The following PITPNC1 variants were observed in gnomAD, a reference collection of about 807,000 sequenced individuals.
PITPNC1 encodes the protein phosphatidylinositol transfer protein cytoplasmic 1.
In PITPNC1, 18 loss-of-function variants were observed where a neutral mutation model predicts 44.7. The ratio of observed to expected loss-of-function variants is 0.40; its 90% CI spans 0.28 to 0.60. The LOEUF (loss-of-function observed/expected upper bound fraction) is 0.60, where lower values mean the gene tolerates loss of function less well. Among genes scored for constraint, PITPNC1 ranks in the 20% least tolerant of loss-of-function variants. The pLI is 0.39. For missense variants in PITPNC1, 290 were observed against 418.4 expected (o/e 0.69, Z 2.68); for synonymous variants, 141 against 149.6 (o/e 0.94, Z 0.42).
intron 1 of PITPNC1, among the ~76,000 whole-genome samples, chr17:67,407,721 G>C (rs2038420989): frequency 6.6e-6 from 1 of 151,706 alleles, no homozygotes; most frequent in Non-Finnish European, 1.5e-5. Flanking sequence ...TTGAACCCAG[G>C]AGGCAGAGGT....
chr17:67,484,814 T>C (rs2039754971), intron 1 of PITPNC1, among the ~76,000 whole-genome samples: 1 of 151,990 alleles, frequency 6.6e-6, no homozygotes, highest in East Asian at 1.9e-4. Context: ...GGTGTGTGCC[T>C]GTAATATCAG....
At chr17:67,417,586 A>G (rs1445770115) in intron 1 of PITPNC1, among the ~76,000 whole-genome samples, 1 of 152,030 alleles carries the variant, frequency 6.6e-6, no homozygotes, top group Non-Finnish European at 1.5e-5. Context: ...CCTGAATTGA[A>G]TCTCTTGTAT....
chr17:67,523,972 C>T (rs1388506823), intron 1 of PITPNC1, among the ~76,000 whole-genome samples: 18 of 151,908 alleles, frequency 1.2e-4, no homozygotes, highest in African/African-American at 2.4e-5. Flanking sequence ...CCACCACGCC[C>T]GGCTAATTTT....
chr17:67,689,203 A>C (rs1567782766), intron 8 of PITPNC1, among the ~76,000 whole-genome samples: 1 of 150,294 alleles, frequency 6.7e-6, no homozygotes, highest in Admixed American at 6.6e-5. Flanking sequence ...ACTCCATCTC[A>C]AATAAATAAA....
chr17:67,670,239 C>G (rs2042491070), intron 7 of PITPNC1, among the ~76,000 whole-genome samples: 2 of 152,200 alleles, frequency 1.3e-5, no homozygotes. Flanking sequence ...GGGAAACACA[C>G]TTCTCAGTTT....
chr17:67,491,727 G>A (rs965816252), intron 1 of PITPNC1, among the ~76,000 whole-genome samples: 4 of 152,158 alleles, frequency 2.6e-5, no homozygotes, highest in Non-Finnish European at 5.9e-5. Flanking sequence ...AGCTACTTGG[G>A]AGGTTGAGGT....
intron 1 of PITPNC1, among the ~76,000 whole-genome samples, chr17:67,518,411 A>G (rs996600343): frequency 6.6e-6 from 1 of 151,370 alleles, no homozygotes; most frequent in Admixed American, 6.6e-5. Flanking sequence ...TAACCATCTT[A>G]GTTTATCAGT....
chr17:67,636,673 C>T (rs1369354769), intron 6 of PITPNC1, among the ~76,000 whole-genome samples: 1 of 152,150 alleles, frequency 6.6e-6, no homozygotes, highest in African/African-American at 2.4e-5. Flanking sequence ...AGCCCCATCA[C>T]CTTCAACAGG....
At chr17:67,442,488 T>C (rs188088072) in intron 1 of PITPNC1, among the ~76,000 whole-genome samples, 1 of 151,312 alleles carries the variant, frequency 6.6e-6, no homozygotes, top group Admixed American at 6.6e-5. Context: ...AAGCATATCT[T>C]TATTTAGAAT....
At chr17:67,401,078 G>T (rs2143820824) in intron 1 of PITPNC1, among the ~76,000 whole-genome samples, 1 of 152,134 alleles carries the variant, frequency 6.6e-6, no homozygotes, top group South Asian at 2.1e-4. Context: ...GGGATTACAA[G>T]CATGCACCAC....
chr17:67,657,617 A>G (rs899663916), intron 6 of PITPNC1, among the ~76,000 whole-genome samples: 1 of 150,730 alleles, frequency 6.6e-6, no homozygotes, highest in African/African-American at 2.5e-5. Flanking sequence ...TGAGGGCATG[A>G]AACCAAATTA....
chr17:67,400,092 C>T (rs915445636), intron 1 of PITPNC1, among the ~76,000 whole-genome samples: 3 of 152,136 alleles, frequency 2.0e-5, no homozygotes, highest in African/African-American at 7.2e-5. Context: ...TCATGATGGG[C>T]TAGGTACTGT....
chr17:67,648,854 C>T (rs2042179338), intron 6 of PITPNC1, among the ~76,000 whole-genome samples: 2 of 152,098 alleles, frequency 1.3e-5, no homozygotes, highest in Non-Finnish European at 2.9e-5. Context: ...GTAGCTGGGG[C>T]ATCTGCAAAA....
intron 6 of PITPNC1, among the ~76,000 whole-genome samples, chr17:67,652,653 GCC>G (rs2042221855): frequency 6.6e-6 from 1 of 152,212 alleles, no homozygotes; most frequent in Non-Finnish European, 1.5e-5. Context: ...CCAGCCAGCT[GCC>G]GGGCCGAGAG....
intron 1 of PITPNC1, among the ~76,000 whole-genome samples, chr17:67,479,497 G>C (rs943023020): frequency 6.6e-6 from 1 of 152,186 alleles, no homozygotes; most frequent in African/African-American, 2.4e-5. Flanking sequence ...CTAAATCTCA[G>C]TTTACAAATG....
At chr17:67,651,049 G>A (rs899597944) in intron 6 of PITPNC1, among the ~76,000 whole-genome samples, 2 of 152,034 alleles carry the variant, frequency 1.3e-5, no homozygotes, top group African/African-American at 4.8e-5. Context: ...AGCACTTTAG[G>A]TATTAACTGC....
intron 6 of PITPNC1, among the ~76,000 whole-genome samples, chr17:67,634,791 G>A (rs937554847): frequency 1.3e-5 from 2 of 152,120 alleles, no homozygotes; most frequent in Non-Finnish European, 2.9e-5. Context: ...AGTGCCTCAC[G>A]CCTGTAATCC....
intron 5 of PITPNC1, among the ~76,000 whole-genome samples, chr17:67,584,914 A>ATTCC (rs1336094838): frequency 2.6e-5 from 4 of 152,138 alleles, no homozygotes; most frequent in Non-Finnish European, 4.4e-5. Flanking sequence ...CGGGAGTTCG[A>ATTCC]GATCAGCCTG....
chr17:67,669,900 T>A (rs2537839), intron 7 of PITPNC1, among the ~76,000 whole-genome samples: 4,619 of 152,000 alleles, frequency 0.03, 237 homozygotes, highest in African/African-American at 0.11. Flanking sequence ...GGTGAAACCC[T>A]GTCTCTACTA....
Sources: allele counts gnomAD v4.1 joint callset (sites outside exome capture counted in the v4.1 genomes callset), GRCh38; gene constraint gnomAD v4.1.1; transcripts MANE v1.5; gene names NCBI Gene and HGNC (gene_info 2026-07-23, HGNC 2026-07-21).